Variants in CHRM3 observed in about 807,000 individuals in gnomAD.
CHRM3 encodes cholinergic receptor muscarinic 3.
CHRM3 carries 11 observed loss-of-function variants against 41.8 expected under a neutral mutation model. The observed-to-expected ratio is 0.26, with a 90% CI of 0.17 to 0.44. The LOEUF is 0.44. Among genes scored for constraint, CHRM3 ranks in the 20% least tolerant of loss-of-function variants. The pLI is 1.00. For missense variants in CHRM3, 571 were observed against 745.4 expected (o/e 0.77, Z 2.72); for synonymous variants, 297 against 301.4 (o/e 0.99, Z 0.15).
At chr1:239,602,090 A>ATATGTGTGTGTGTGTGTGTGTGTG (rs371232279) in intron 3 of CHRM3, among the ~76,000 whole-genome samples, 11 of 131,226 alleles carry the variant, frequency 8.4e-5, no homozygotes, top group African/African-American at 3.2e-4. Flanking sequence ...ACATATATAC[A>ATATGTGTGTGTGTGTGTGTGTGTG]TGTGTGTGTG....
intron 4 of CHRM3, among the ~76,000 whole-genome samples, chr1:239,634,376 C>CAGACAGAAAGAAAGAAAGAAA (rs1553347938): frequency 7.4e-6 from 1 of 135,458 alleles, no homozygotes; most frequent in Admixed American, 7.4e-5. Context: ...CAAGAACAAA[C>CAGACAGAAAGAAAGAAAGAAA]GAAAGAAAGA....
chr1:239,813,932 A>AAAAAAAAAAC (rs1671358953), intron 5 of CHRM3, among the ~76,000 whole-genome samples: 1 of 149,854 alleles, frequency 6.7e-6, no homozygotes, highest in African/African-American at 2.5e-5. Context: ...AAAAAAAAAA[A>AAAAAAAAAAC]AACTCACAGT....
chr1:239,566,933 G>A (rs1661413001), intron 3 of CHRM3, among the ~76,000 whole-genome samples: 1 of 152,144 alleles, frequency 6.6e-6, no homozygotes, highest in South Asian at 2.1e-4. Flanking sequence ...TACCAAATTA[G>A]AGTTAAATTA....
chr1:239,672,425 T>C (rs1674466529), intron 4 of CHRM3, among the ~76,000 whole-genome samples: 1 of 151,890 alleles, frequency 6.6e-6, no homozygotes, highest in African/African-American at 2.4e-5. Context: ...GTCAAGAAAA[T>C]GCAAATGGCA....
chr1:239,662,892 CCT>C lies in CHRM3; in HGVS notation c.-249-15291_-249-15290del, dbSNP rs398050169. 8.7e-4 allele frequency among the ~76,000 whole-genome samples: 111 copies of C among 127,100 alleles called. 3 individuals carry two copies. The highest frequency in any genetic ancestry group is 1.0e-4 in the Non-Finnish European group (6 of 60,194). The allele number at this position is 127,100 out of a possible 152,430, so 83.4% of individuals were successfully genotyped here. A position where few individuals can be genotyped will look rare whatever the true frequency, so the allele number is the denominator to read the frequency against. On this transcript the variant is annotated intron_variant, in intron 4 of 6. Coordinates refer to ENST00000676153, the MANE Select transcript of CHRM3 (RefSeq NM_001375978.1). ...TTCTCCTCTTTCTCCTCTTCCTCCT[CCT>C]CTTCTTCTTCTTCTTCTTCTTCTTC... is the stretch of plus-strand genomic sequence containing the variant.
At chr1:239,555,162 G>A (rs1393389104) in intron 3 of CHRM3, among the ~76,000 whole-genome samples, 1 of 152,148 alleles carries the variant, frequency 6.6e-6, no homozygotes, top group Admixed American at 6.6e-5. Flanking sequence ...GAGGGATGAT[G>A]GGGGCCAGAA....
rs1029488961 is a variant in CHRM3 at position 239,398,338 on chromosome 1, C to T, written c.-521+11111C>T. ...GCAACGTCTGCCTCCTGGGTTCAAGCGATTCTCCTGCCTCAGCCTCCCAAG... is the reference window on the plus strand; with the variant it reads ...GCAACGTCTGCCTCCTGGGTTCAAGTGATTCTCCTGCCTCAGCCTCCCAAG... On this transcript the variant is annotated intron_variant, in intron 1 of 6. Coordinates refer to ENST00000676153, the MANE Select transcript of CHRM3 (RefSeq NM_001375978.1). 7.9e-5 allele frequency among the ~76,000 whole-genome samples: 12 copies of T among 152,226 alleles called. No homozygotes were observed. In the South Asian group the frequency reaches 1.7e-3, roughly 21 times the overall value.
chr1:239,447,635 G>A (rs1302688485), intron 1 of CHRM3, among the ~76,000 whole-genome samples: 1 of 152,142 alleles, frequency 6.6e-6, no homozygotes, highest in Non-Finnish European at 1.5e-5. Flanking sequence ...ACTTAGCCGG[G>A]CGTGGTGGCA....
At chr1:239,879,515 T>G (rs770119858) in intron 6 of CHRM3, among the ~76,000 whole-genome samples, 50 of 152,328 alleles carry the variant, frequency 3.3e-4, no homozygotes, top group Non-Finnish European at 2.2e-4. Context: ...TCAGGTGTCT[T>G]TCTTTCAATC....
intron 6 of CHRM3, among the ~76,000 whole-genome samples, chr1:239,850,779 G>C (rs1426031683): frequency 6.6e-6 from 1 of 152,078 alleles, no homozygotes; most frequent in Non-Finnish European, 1.5e-5. Flanking sequence ...ACTTCTCCTT[G>C]CTGCTGCCAT....
intron 5 of CHRM3, among the ~76,000 whole-genome samples, chr1:239,766,531 G>GC (rs1558525963): frequency 1.3e-5 from 2 of 151,764 alleles, no homozygotes; most frequent in Admixed American, 1.3e-4. Context: ...TAAAATAAAA[G>GC]CCCCCCAAAA....
chr1:239,702,977 C>T (rs547607521), intron 5 of CHRM3, among the ~76,000 whole-genome samples: 1 of 152,268 alleles, frequency 6.6e-6, no homozygotes, highest in Admixed American at 6.5e-5. Flanking sequence ...ATCCCACAGA[C>T]TGCTATTCCA....
At chr1:239,460,198 A>T (rs1276798552) in intron 1 of CHRM3, among the ~76,000 whole-genome samples, 1 of 152,186 alleles carries the variant, frequency 6.6e-6, no homozygotes, top group Non-Finnish European at 1.5e-5. Flanking sequence ...AAGTGTAAGG[A>T]GTATGTATTG....
At chr1:239,617,397 AG>A (rs1287412126) in intron 3 of CHRM3, among the ~76,000 whole-genome samples, 2 of 152,138 alleles carry the variant, frequency 1.3e-5, no homozygotes, top group Non-Finnish European at 2.9e-5. Flanking sequence ...GTTAAAATCC[AG>A]ACAGTCCTGG....
chr1:239,903,279 C>A (rs1679722194), intron 6 of CHRM3, among the ~76,000 whole-genome samples: 1 of 152,180 alleles, frequency 6.6e-6, no homozygotes, highest in African/African-American at 2.4e-5. Flanking sequence ...TATAGGTCAA[C>A]TGAGCAAATT....
At chr1:239,417,035 C>T (rs1199874623) in intron 1 of CHRM3, among the ~76,000 whole-genome samples, 2 of 152,128 alleles carry the variant, frequency 1.3e-5, no homozygotes, top group Admixed American at 1.3e-4. Context: ...TGAAAAATGA[C>T]AGCATCCCCT....
chr1:239,567,555 A>G (rs757021531), intron 3 of CHRM3, among the ~76,000 whole-genome samples: 1 of 152,178 alleles, frequency 6.6e-6, no homozygotes, highest in Non-Finnish European at 1.5e-5. Context: ...AACTTATAGA[A>G]TTTATCTTGA....
intron 3 of CHRM3, among the ~76,000 whole-genome samples, chr1:239,558,264 C>T (rs959174115): frequency 6.6e-6 from 1 of 152,080 alleles, no homozygotes; most frequent in Non-Finnish European, 1.5e-5. Flanking sequence ...TGGTTGTTGG[C>T]TGCATGTATG....
intron 6 of CHRM3, among the ~76,000 whole-genome samples, chr1:239,843,982 TAC>T (rs934927085): frequency 3.2e-4 from 49 of 152,288 alleles, no homozygotes; most frequent in Admixed American, 1.2e-3. Context: ...ACGTTATATA[TAC>T]AGTTTGTTTT....
Sources: allele counts gnomAD v4.1 joint callset (sites outside exome capture counted in the v4.1 genomes callset), GRCh38; gene constraint gnomAD v4.1.1; transcripts MANE v1.5; gene names NCBI Gene and HGNC (gene_info 2026-07-23, HGNC 2026-07-21).